Variants in USP34 observed in about 807,000 individuals in gnomAD.
The protein encoded by USP34 is ubiquitin carboxyl-terminal hydrolase 34.
Under a neutral mutation model 460.3 loss-of-function variants are expected in USP34, and 70 were observed. The ratio of observed to expected loss-of-function variants is 0.15; its 90% CI spans 0.13 to 0.19. USP34 has a LOEUF of 0.19. USP34 is among the 10% of genes least tolerant of loss of function. The probability of loss-of-function intolerance (pLI) is 1.00; values close to 1 mark genes in which losing one functional copy is unlikely to be tolerated. For missense variants in USP34, 3,985 were observed against 4,236.2 expected (o/e 0.94, Z 1.65); for synonymous variants, 1,647 against 1,405.3 (o/e 1.17, Z -3.85).
In USP34 at chr2:61,215,881, A is replaced by G. The variant is rs1687381529; in HGVS notation, c.8048-1187T>C. On this transcript the variant is annotated intron_variant, in intron 67 of 79. Transcript: ENST00000398571. ...TGGGACTATCTCAGCTTACACAGCT[A>G]GTGGCCAGAGCTGGGATTCAAATCC... Among the ~76,000 whole-genome samples the G allele has an allele frequency of 2.0e-5, 3 of 152,206 alleles. No individual in the cohort carries two copies. The South Asian group carries it at 6.2e-4, about 31-fold the overall frequency.
intron 16 of USP34, among the ~76,000 whole-genome samples, chr2:61,341,714 T>C (rs890054829): frequency 4.7e-5 from 7 of 149,804 alleles, no homozygotes; most frequent in African/African-American, 1.5e-4. Flanking sequence ...TGAGCCAAAA[T>C]AAACCACTTT....
rs778935383 is a variant in USP34 at position 61,314,667 on chromosome 2, C to T, written c.3460G>A (p.Glu1154Lys). ...ATGAGACTTGAGTGTGATTCCTGTT[C>T]AAGACTGCTAGAAGCTATCATAAGA... is the stretch of plus-strand genomic sequence containing the variant. ...ESLMIASSSL[E>K]QESHSSLMVI... Residue 1154 changes from glutamate to lysine, a missense_variant, in exon 25 of 80, where the codon GAA becomes AAA. Around this residue, in one of 14 missense-constraint regions of USP34, gnomAD observed 1,114 missense variants for 1,122.5 expected, o/e 0.99. Coordinates refer to ENST00000398571, the MANE Select transcript of USP34 (RefSeq NM_014709.4). 2 of 1,603,470 alleles carry T rather than the reference C, an allele frequency of 1.2e-6. No individual in the cohort carries two copies. Among genetic ancestry groups the T allele is most frequent in the Admixed American group, 1.7e-5 (1 of 57,308 alleles).
intron 12 of USP34, among the ~76,000 whole-genome samples, chr2:61,349,936 A>G (rs568611472): frequency 7.2e-5 from 11 of 152,234 alleles, no homozygotes; most frequent in African/African-American, 2.2e-4. Flanking sequence ...AAGATAACTG[A>G]ATCATTATGT....
chr2:61,435,087 T>G (rs1373191818), intron 1 of USP34, among the ~76,000 whole-genome samples: 1 of 151,822 alleles, frequency 6.6e-6, no homozygotes, highest in Non-Finnish European at 1.5e-5. Flanking sequence ...GTGGATTGCT[T>G]AAGGCCAGGA....
At chr2:61,459,141 C>A (rs1380726129) in intron 1 of USP34, among the ~76,000 whole-genome samples, 4 of 152,120 alleles carry the variant, frequency 2.6e-5, no homozygotes, top group Admixed American at 6.6e-5. Flanking sequence ...TTAATGGTTT[C>A]TTATGAGTTT....
At chr2:61,313,140 A>T (rs1455982553) in intron 25 of USP34, among the ~76,000 whole-genome samples, 1 of 152,126 alleles carries the variant, frequency 6.6e-6, no homozygotes, top group Non-Finnish European at 1.5e-5. Flanking sequence ...TAGTTATTGT[A>T]CTAGTAACAA....
chr2:61,266,999 C>T (rs1003352613), intron 41 of USP34, among the ~76,000 whole-genome samples: 36 of 152,118 alleles, frequency 2.4e-4, no homozygotes, highest in African/African-American at 8.7e-4. Context: ...CACTATGTGC[C>T]CACATGAGCC....
At chr2:61,470,306 C>T (rs927787180) in intron 1 of USP34, among the ~76,000 whole-genome samples, 1 of 152,210 alleles carries the variant, frequency 6.6e-6, no homozygotes, top group Non-Finnish European at 1.5e-5. Flanking sequence ...CACCTCCCCG[C>T]ACCTTCCCGG....
rs186762028 is a variant in USP34 at position 61,196,851 on chromosome 2, A to G, written c.9509-3871T>C. 9.8e-4 allele frequency among the ~76,000 whole-genome samples: 150 copies of G among 152,294 alleles called. 2 individuals carry two copies. The Middle Eastern group carries it at 0.01, about 10-fold the overall frequency. On this transcript the variant is annotated intron_variant, in intron 75 of 79. Transcript: ENST00000398571. ...TCCAGCTAAATATAAAGCAATCTCT[A>G]TATCTATTTTCCACAACTACCAAGA...
At chr2:61,280,470 T>C in intron 38 of USP34, 122 bp from the exon 39 acceptor site, 1 of 445,452 alleles carries the variant, frequency 2.2e-6, no homozygotes, top group East Asian at 3.9e-5. Flanking sequence ...ATTCAAAATC[T>C]TTTTAAAAAT....
rs1402254388 is a variant in USP34, at chr2:61,236,387, C to G, written c.6780G>C (p.Trp2260Cys). ...KFDVSSELLE[W>C]IWHDNMQFLQ... ...GAAACTGCATGTTATCATGCCAAAT[C>G]CACTGAAAATAAAAATGTTAACATT... The change falls in exon 54 of 80, where the codon TGG becomes TGC. Residue 2260 changes from tryptophan to cysteine, a missense_variant and splice_region_variant. By Grantham distance (215) the Trp-to-Cys change is radical (BLOSUM62 -2). Coordinates refer to ENST00000398571, the MANE Select transcript of USP34 (RefSeq NM_014709.4). 6.3e-7 allele frequency: 1 copy of G among 1,587,484 alleles called. No homozygotes were observed. The highest frequency in any genetic ancestry group is 8.6e-7 in the Non-Finnish European group (1 of 1,168,850).
At chr2:61,391,986 T>G (rs906025984) in intron 5 of USP34, among the ~76,000 whole-genome samples, 3 of 152,272 alleles carry the variant, frequency 2.0e-5, no homozygotes, top group African/African-American at 7.2e-5. Context: ...ATAGTATAAT[T>G]TTGCTTTAAC....
intron 53 of USP34, among the ~76,000 whole-genome samples, chr2:61,240,522 C>T (rs1312334585): frequency 6.6e-6 from 1 of 152,088 alleles, no homozygotes; most frequent in African/African-American, 2.4e-5. Context: ...TCGTGATCCG[C>T]CCGCCTCGGC....
chr2:61,271,444 CAAA>C (rs1689210815), intron 41 of USP34, among the ~76,000 whole-genome samples: 1 of 152,086 alleles, frequency 6.6e-6, no homozygotes, highest in African/African-American at 2.4e-5. Context: ...TTGCATAAGA[CAAA>C]TGTACTGTTT....
intron 41 of USP34, among the ~76,000 whole-genome samples, chr2:61,270,083 A>G (rs1005059205): frequency 1.3e-5 from 2 of 152,226 alleles, no homozygotes; most frequent in Non-Finnish European, 2.9e-5. Flanking sequence ...TAAAATTACA[A>G]AAGTAATTGC....
intron 10 of USP34, among the ~76,000 whole-genome samples, chr2:61,368,768 A>C (rs1403462815): frequency 1.3e-5 from 2 of 152,220 alleles, no homozygotes; most frequent in Admixed American, 6.5e-5. Flanking sequence ...GAGAAACTAA[A>C]GGAGAATTCT....
At chr2:61,389,633 G>A (rs1693281588) in intron 5 of USP34, among the ~76,000 whole-genome samples, 1 of 151,982 alleles carries the variant, frequency 6.6e-6, no homozygotes. Flanking sequence ...TTCAAACCTA[G>A]GATTATATCA....
chr2:61,323,066 C>T (rs886723433), intron 21 of USP34, among the ~76,000 whole-genome samples: 5 of 152,086 alleles, frequency 3.3e-5, no homozygotes, highest in African/African-American at 1.2e-4. Flanking sequence ...TTATGGGTAA[C>T]AGGAACTGTG....
chr2:61,467,786 C>G (rs6707166), intron 1 of USP34, among the ~76,000 whole-genome samples: 1 of 151,900 alleles, frequency 6.6e-6, no homozygotes, highest in South Asian at 2.1e-4. Flanking sequence ...CCACACCCGG[C>G]TAATTGGTGA....
Sources: gnomAD v4.1 joint callset for allele counts (sites outside exome capture counted in the v4.1 genomes callset) on GRCh38, gnomAD v4.1.1 for gene constraint, gnomAD v4.1.1 regional missense constraint, MANE v1.5 for transcripts, NCBI Gene and HGNC (gene_info 2026-07-23, HGNC 2026-07-21) for gene names.